Variants in FMN1 observed in about 807,000 individuals in gnomAD.
The protein encoded by FMN1 is formin-1.
In FMN1, 110 loss-of-function variants were observed where a neutral mutation model predicts 132.4. The ratio of observed to expected loss-of-function variants is 0.83; its 90% CI spans 0.71 to 0.97. The LOEUF is 0.97. Ranked by LOEUF, FMN1 falls within the 50% of genes least tolerant of loss-of-function variation. The pLI is 0.00. For missense variants in FMN1, 1,792 were observed against 1,705.3 expected (o/e 1.05, Z -0.90); for synonymous variants, 722 against 651.7 (o/e 1.11, Z -1.64).
At chr15:32,972,297 T>C (rs62000626) in intron 7 of FMN1, among the ~76,000 whole-genome samples, 2,693 of 152,254 alleles carry the variant, frequency 0.018, 43 homozygotes, top group Non-Finnish European at 0.025. Flanking sequence ...AAAGCAAAAA[T>C]AGACATACCA....
At chr15:33,172,410 A>T (rs889238399) in intron 3 of FMN1, among the ~76,000 whole-genome samples, 5 of 152,172 alleles carry the variant, frequency 3.3e-5, no homozygotes, top group African/African-American at 1.2e-4. Context: ...AGTTATCTGG[A>T]GGAGGAATAG....
chr15:32,959,355 C>T (rs2030235080), intron 9 of FMN1, among the ~76,000 whole-genome samples: 1 of 152,126 alleles, frequency 6.6e-6, no homozygotes, highest in South Asian at 2.1e-4. Flanking sequence ...CCAAGGGATC[C>T]ATCTTGATGT....
At chr15:32,903,973 A>G (rs1416819928) in intron 12 of FMN1, among the ~76,000 whole-genome samples, 1 of 152,214 alleles carries the variant, frequency 6.6e-6, no homozygotes, top group African/African-American at 2.4e-5. Context: ...TACTTTTGGA[A>G]AGACTTGAAA....
intron 9 of FMN1, among the ~76,000 whole-genome samples, chr15:32,957,315 T>TTTTG (rs2029907758): frequency 6.9e-6 from 1 of 145,252 alleles, no homozygotes; most frequent in South Asian, 2.2e-4. Context: ...TTTTTTTTTT[T>TTTTG]TTTTTTTTTT....
chr15:32,919,053 T>C (rs2060754390), intron 10 of FMN1, among the ~76,000 whole-genome samples: 1 of 152,184 alleles, frequency 6.6e-6, no homozygotes, highest in Non-Finnish European at 1.5e-5. Context: ...TGCCCATTTA[T>C]TTAGTCTGTA....
At position 32,969,187 on chromosome 15, in the gene FMN1, T is replaced by C; in HGVS notation, c.2514A>G (p.Leu838=). 6.2e-7 allele frequency: 1 copy of C among 1,613,944 alleles called. No homozygotes were observed. Among genetic ancestry groups the C allele is most frequent in the Non-Finnish European group, 8.5e-7 (1 of 1,179,878 alleles). The part of the protein sequence containing the change: ...LVPKKLNISS[L]SQLSPPNDHK... The stretch of plus-strand genomic sequence containing the variant: ...GGTCATTTGGGGGTGAGAGCTGGCT[T>C]AAAGAGGAGATATTCAGCTTTTTGG... Residue 838 remains leucine (L), a synonymous_variant, in exon 8 of 21, where the codon TTA becomes TTG. Coordinates refer to ENST00000616417, the MANE Select transcript of FMN1 (RefSeq NM_001277313.2).
intron 3 of FMN1, among the ~76,000 whole-genome samples, chr15:33,170,532 A>ATTGT (rs1264736780): frequency 6.6e-6 from 1 of 151,156 alleles, no homozygotes; most frequent in African/African-American, 2.5e-5. Context: ...CAGAATATAC[A>ATTGT]GGGAACTCAA....
In FMN1 at chr15:32,851,881, G is replaced by A. The variant is rs954407781; in HGVS notation, c.3928+5134C>T. Among the ~76,000 whole-genome samples, 5 of 152,242 alleles carry A rather than the reference G, an allele frequency of 3.3e-5. No individual in the cohort carries two copies. The South Asian group carries it at 8.3e-4, about 25-fold the overall frequency. On this transcript the variant is annotated intron_variant, in intron 17 of 20. Transcript: ENST00000616417. ...AGTCACAACGCACGTGACTTCTCAG[G>A]CATACAGAACACAATTGCTTAAAAC... is the stretch of plus-strand genomic sequence containing the variant.
At chr15:33,182,806 T>A (rs1595610344) in intron 2 of FMN1, among the ~76,000 whole-genome samples, 2 of 152,206 alleles carry the variant, frequency 1.3e-5, no homozygotes, top group East Asian at 3.8e-4. Flanking sequence ...ATTTATTCCT[T>A]TTTTTGAGCA....
chr15:33,040,995 T>A (rs1006936795), intron 6 of FMN1, among the ~76,000 whole-genome samples: 3 of 152,188 alleles, frequency 2.0e-5, no homozygotes, highest in East Asian at 1.9e-4. Context: ...AAAGGTTGAT[T>A]ATTTTGGGCT....
chr15:32,866,224 T>C (rs562537679), intron 16 of FMN1, among the ~76,000 whole-genome samples: 3 of 115,400 alleles, frequency 2.6e-5, no homozygotes, highest in Admixed American at 1.7e-4. Flanking sequence ...ACTTAAAGTA[T>C]AATAAAAAAA....
intron 9 of FMN1, among the ~76,000 whole-genome samples, chr15:32,958,586 A>G (rs2030113665): frequency 6.7e-6 from 1 of 149,796 alleles, no homozygotes. Flanking sequence ...ACATACATAC[A>G]TACATGCTTA....
At chr15:32,972,787 A>C (rs1388234095) in intron 7 of FMN1, among the ~76,000 whole-genome samples, 1 of 152,232 alleles carries the variant, frequency 6.6e-6, no homozygotes, top group East Asian at 1.9e-4. Context: ...CCTTGAGATC[A>C]TATTTCCAAG....
chr15:32,978,030 T>C (rs761721527), intron 7 of FMN1, among the ~76,000 whole-genome samples: 1 of 151,888 alleles, frequency 6.6e-6, no homozygotes, highest in Non-Finnish European at 1.5e-5. Flanking sequence ...CTGATTTTTT[T>C]ATTCTTAGTA....
chr15:32,947,828 T>C (rs1223363217), intron 9 of FMN1, among the ~76,000 whole-genome samples: 1 of 152,102 alleles, frequency 6.6e-6, no homozygotes, highest in African/African-American at 2.4e-5. Flanking sequence ...ACTGATCTCA[T>C]ATCTACTAGG....
chr15:33,134,784 C>T (rs1963693508), intron 4 of FMN1, among the ~76,000 whole-genome samples: 1 of 152,194 alleles, frequency 6.6e-6, no homozygotes, highest in African/African-American at 2.4e-5. Context: ...GGCAGATTAC[C>T]TGAGGTCAGA....
intron 4 of FMN1, among the ~76,000 whole-genome samples, chr15:33,131,262 GA>G (rs762236560): frequency 6.8e-6 from 1 of 147,062 alleles, no homozygotes; most frequent in Non-Finnish European, 1.5e-5. Context: ...CCAGGAGGCA[GA>G]GGCTGCAGTG....
intron 5 of FMN1, among the ~76,000 whole-genome samples, chr15:33,081,848 G>A (rs1566898878): frequency 2.0e-5 from 3 of 152,102 alleles, no homozygotes; most frequent in Admixed American, 1.3e-4. Flanking sequence ...AGTCAAGCTT[G>A]GGAGGAGCCT....
At chr15:33,093,462 T>C (rs933392232) in intron 4 of FMN1, among the ~76,000 whole-genome samples, 3 of 152,204 alleles carry the variant, frequency 2.0e-5, no homozygotes, top group African/African-American at 7.2e-5. Flanking sequence ...GTGTGTGTAA[T>C]CACTCATGTC....
Sources: gnomAD v4.1 joint callset for allele counts (sites outside exome capture counted in the v4.1 genomes callset) on GRCh38, gnomAD v4.1.1 for gene constraint, MANE v1.5 for transcripts, NCBI Gene and HGNC (gene_info 2026-07-23, HGNC 2026-07-21) for gene names.